Variants in ASXL1 observed in about 807,000 individuals in gnomAD.
The protein encoded by ASXL1 is ASXL transcriptional regulator 1, also known as polycomb group protein ASXL1.
A neutral mutation model predicts 89.1 loss-of-function variants in ASXL1; 65 were observed. The ratio of observed to expected loss-of-function variants is 0.73; its 90% CI spans 0.60 to 0.90. ASXL1 has a LOEUF of 0.90. Ranked by LOEUF, ASXL1 falls within the 40% of genes least tolerant of loss-of-function variation. ASXL1 has a pLI of 0.00. For missense variants in ASXL1, 1,786 were observed against 1,942.9 expected (o/e 0.92, Z 1.52); for synonymous variants, 739 against 746.9 (o/e 0.99, Z 0.17).
At chr20:32,403,159 T>C (rs768897948) in intron 4 of ASXL1, among the ~76,000 whole-genome samples, 4 of 152,240 alleles carry the variant, frequency 2.6e-5, no homozygotes, top group Non-Finnish European at 5.9e-5. Flanking sequence ...TTATTCTTTA[T>C]TTATTGAATT....
At chr20:32,361,646 A>G (rs867862956) in intron 1 of ASXL1, among the ~76,000 whole-genome samples, 109 of 152,022 alleles carry the variant, frequency 7.2e-4, no homozygotes, top group African/African-American at 2.3e-3. Flanking sequence ...AAAAAAAAAA[A>G]AAAGAAAAAA....
In ASXL1 at chr20:32,396,618, C is replaced by T. The variant is rs536866556; in HGVS notation, c.252+27495C>T. Among the ~76,000 whole-genome samples the T allele has an allele frequency of 3.3e-5, 5 of 152,204 alleles. No individual in the cohort carries two copies. In the East Asian group the frequency reaches 9.6e-4, roughly 29 times the overall value. ...AGCTTCTTAATTGGCACTCTGGTTC[C>T]CAGACTTTTTCTGTCTCTAATGCAG... On this transcript the variant is annotated intron_variant, in intron 4 of 12. Transcript: ENST00000375687.
In ASXL1 at chr20:32,434,666, GGC is replaced by G. The variant is rs1569328806; in HGVS notation, c.1956_1957del (p.Ala654HisfsTer3). On this transcript the variant is annotated frameshift_variant, in exon 13 of 13. Transcript: ENST00000375687. LOFTEE classifies it low-confidence loss of function (END_TRUNC). ...GGGGGPGGGG[G>X]GATDEGGGRG... The stretch of plus-strand genomic sequence containing the variant: ...GGGGGGTGGCCCGGGTGGAGGTGGC[GGC>G]GGGGCCACCGATGAGGGAGGTGGCA... 6.2e-7 allele frequency: 1 copy of G among 1,602,248 alleles called. No homozygotes were observed. Among genetic ancestry groups the G allele is most frequent in the East Asian group, 2.3e-5 (1 of 44,134 alleles).
chr20:32,434,382 G>A (rs1600585064), intron 12 of ASXL1, 50 bp from the exon 13 acceptor site: 2 of 1,605,842 alleles, frequency 1.2e-6, no homozygotes, highest in East Asian at 4.5e-5. Context: ...ACAGTCCCTA[G>A]GTCAGATCAC....
chr20:32,366,490 A>C lies in ASXL1; in HGVS notation c.140+24A>C, dbSNP rs760973712. ...AGGTTTGTATTGTTCTTGTTGCTTA[A>C]CATGAGGGTTTCATAGGATATGTGT... is the stretch of plus-strand genomic sequence containing the variant. On this transcript the variant is annotated intron_variant, in intron 2 of 12. Transcript: ENST00000375687. 2.5e-6 allele frequency: 4 copies of C among 1,613,392 alleles called. No individual in the cohort carries two copies. In the South Asian group the frequency reaches 4.4e-5, roughly 18 times the overall value.
At chr20:32,399,069 G>A (rs1282734860) in intron 4 of ASXL1, among the ~76,000 whole-genome samples, 1 of 151,908 alleles carries the variant, frequency 6.6e-6, no homozygotes. Flanking sequence ...AATTAGTCAG[G>A]CATGGTGGCG....
At chr20:32,399,214 GA>G (rs113962131) in intron 4 of ASXL1, among the ~76,000 whole-genome samples, 25 of 144,150 alleles carry the variant, frequency 1.7e-4, no homozygotes, top group African/African-American at 5.6e-4. Flanking sequence ...TCGTTTCAAA[GA>G]AAAAAAAAAG....
At chr20:32,373,594 C>T (rs775602772) in intron 4 of ASXL1, among the ~76,000 whole-genome samples, 2 of 151,972 alleles carry the variant, frequency 1.3e-5, no homozygotes, top group Non-Finnish European at 2.9e-5. Flanking sequence ...TGGCCAGCTG[C>T]GATGGCTCAT....
At chr20:32,422,600 T>G (rs2011172843) in intron 4 of ASXL1, among the ~76,000 whole-genome samples, 1 of 147,558 alleles carries the variant, frequency 6.8e-6, no homozygotes, top group African/African-American at 2.5e-5. Context: ...TTTTTTTTTT[T>G]TTTAAAGACA....
chr20:32,421,993 C>T (rs1310935439), intron 4 of ASXL1, among the ~76,000 whole-genome samples: 1 of 150,730 alleles, frequency 6.6e-6, no homozygotes, highest in African/African-American at 2.4e-5. Context: ...CTCAGCCTCC[C>T]GAGTAGCTGG....
chr20:32,434,414 C>G lies in ASXL1; in HGVS notation c.1720-18C>G. ...TCACCCAGTCAGTTAAAACTATTTTCTAATTCTTTTTTTGCAGATTCAACT... is the reference window on the plus strand; with the variant it reads ...TCACCCAGTCAGTTAAAACTATTTTGTAATTCTTTTTTTGCAGATTCAACT... On this transcript the variant is annotated intron_variant, in intron 12 of 12. Transcript: ENST00000375687. 1.2e-6 allele frequency: 2 copies of G among 1,613,594 alleles called. No homozygotes were observed. The highest frequency in any genetic ancestry group is 1.7e-6 in the Non-Finnish European group (2 of 1,179,960).
At chr20:32,373,428 C>T (rs1470422459) in intron 4 of ASXL1, among the ~76,000 whole-genome samples, 1 of 152,104 alleles carries the variant, frequency 6.6e-6, no homozygotes, top group Non-Finnish European at 1.5e-5. Context: ...GCATCTAGCT[C>T]ATATCTCAGA....
In ASXL1 at chr20:32,366,486, C is replaced by T. The variant is rs1307921160; in HGVS notation, c.140+20C>T. 1 of 1,612,800 alleles carries T rather than the reference C, an allele frequency of 6.2e-7. No homozygotes were observed. Among genetic ancestry groups the T allele is most frequent in the Admixed American group, 1.7e-5 (1 of 60,008 alleles). ...AATGAGGTTTGTATTGTTCTTGTTG[C>T]TTAACATGAGGGTTTCATAGGATAT... On this transcript the variant is annotated intron_variant, in intron 2 of 12. Transcript: ENST00000375687.
chr20:32,376,208 AC>A (rs1314906272), intron 4 of ASXL1, among the ~76,000 whole-genome samples: 1 of 152,020 alleles, frequency 6.6e-6, no homozygotes, highest in African/African-American at 2.4e-5. Context: ...ATGATAATGG[AC>A]AGGAAGACAC....
At chr20:32,369,268 A>G (rs2048257303) in intron 4 of ASXL1, 145 bp downstream of exon 4, 5 of 804,774 alleles carry the variant, frequency 6.2e-6, no homozygotes, top group Non-Finnish European at 1.0e-5. Flanking sequence ...TTTTTTTTAG[A>G]CATAGTCTCG....
intron 4 of ASXL1, among the ~76,000 whole-genome samples, chr20:32,377,837 G>A (rs2048412254): frequency 6.6e-6 from 1 of 151,970 alleles, no homozygotes; most frequent in Non-Finnish European, 1.5e-5. Context: ...ATTTTTAGTA[G>A]AGATGGGGTT....
chr20:32,387,009 C>A (rs1375318585), intron 4 of ASXL1, among the ~76,000 whole-genome samples: 3 of 151,966 alleles, frequency 2.0e-5, no homozygotes, highest in African/African-American at 7.2e-5. Flanking sequence ...AGAAACATTT[C>A]ATAATGCAAA....
Position 32,435,256 on chromosome 20 carries a change from A to G in ASXL1, c.2544A>G (p.Thr848=), listed in dbSNP as rs142836262. ...KDPVNVTPSS[T]PESSPTDCLQ... ...CTGTAAATGTGACCCCCAGTTCCAC[A>G]CCTGAATCCTCACCGACTGATTGCC... The change falls in exon 13 of 13, where the codon ACA becomes ACG. Residue 848 remains threonine (T), a synonymous_variant. Coordinates refer to ENST00000375687, the MANE Select transcript of ASXL1 (RefSeq NM_015338.6). 4 of 1,614,002 alleles carry G rather than the reference A, an allele frequency of 2.5e-6. No individual in the cohort carries two copies. The highest frequency in any genetic ancestry group is 1.3e-5 in the African/African-American group (1 of 74,900).
chr20:32,397,028 C>CT lies in ASXL1; in HGVS notation c.252+27918dup, dbSNP rs775644518. On this transcript the variant is annotated intron_variant, in intron 4 of 12. Transcript: ENST00000375687. ...AACAAACAAAAAAAACTCACTGTGG[C>CT]TTTTTTTTTTTTTCCCTGTATTTTT... Among the ~76,000 whole-genome samples, 630 of 137,148 alleles carry CT rather than the reference C, an allele frequency of 4.6e-3. 2 individuals are homozygous for CT. The highest frequency in any genetic ancestry group is 5.4e-3 in the Non-Finnish European group (344 of 63,418). The allele number at this position is 137,148 out of a possible 152,430, so 90.0% of individuals were successfully genotyped here.
Sources: gnomAD v4.1 joint callset for allele counts (sites outside exome capture counted in the v4.1 genomes callset) on GRCh38, gnomAD v4.1.1 for gene constraint, MANE v1.5 for transcripts, NCBI Gene and HGNC (gene_info 2026-07-23, HGNC 2026-07-21) for gene names.